Variants in SORCS2 observed in about 807,000 individuals in gnomAD.
SORCS2 encodes VPS10 domain-containing receptor SorCS2.
Under a neutral mutation model 141.6 loss-of-function variants are expected in SORCS2, and 100 were observed. The ratio of observed to expected loss-of-function variants is 0.71; its 90% confidence interval spans 0.60 to 0.83. SORCS2 has a LOEUF of 0.83. Ranked by LOEUF, SORCS2 falls within the 40% of genes least tolerant of loss-of-function variation. SORCS2 has a pLI of 0.00. For missense variants in SORCS2, 1,646 were observed against 1,560.2 expected (o/e 1.05, Z -0.93); for synonymous variants, 789 against 676.9 (o/e 1.17, Z -2.57).
chr4:7,702,178 G>C (rs1007271258), intron 12 of SORCS2, among the ~76,000 whole-genome samples: 1 of 152,110 alleles, frequency 6.6e-6, no homozygotes, highest in Non-Finnish European at 1.5e-5. Flanking sequence ...GCTGTCCTCT[G>C]TCCCCTCCTG....
At chr4:7,521,415 C>A (rs558917641) in intron 2 of SORCS2, among the ~76,000 whole-genome samples, 1 of 152,304 alleles carries the variant, frequency 6.6e-6, no homozygotes, top group South Asian at 2.1e-4. Context: ...CCCCCTTTCA[C>A]ACTCAGAATC....
chr4:7,555,429 C>T (rs558268206), intron 3 of SORCS2, among the ~76,000 whole-genome samples: 1 of 152,354 alleles, frequency 6.6e-6, no homozygotes, highest in Admixed American at 6.5e-5. Flanking sequence ...AAATGCCCTC[C>T]ACCAGCCCTT....
At chr4:7,535,852 A>G (rs1048469350) in intron 3 of SORCS2, among the ~76,000 whole-genome samples, 4 of 152,184 alleles carry the variant, frequency 2.6e-5, no homozygotes. Context: ...ATCTGCACCC[A>G]CCTGGTTCCC....
In SORCS2 at chr4:7,609,601, G is replaced by A. The variant is rs148159228; in HGVS notation, c.649-28727G>A. Among the ~76,000 whole-genome samples, 50 of 152,360 alleles carry A rather than the reference G, an allele frequency of 3.3e-4. No individual in the cohort carries two copies. In the East Asian group the frequency reaches 5.2e-3, roughly 16 times the overall value. On this transcript the variant is annotated intron_variant, in intron 3 of 26. Transcript: ENST00000507866. ...GAGCCTTGCAGAAGGCAGGGAACAC[G>A]TCCTGCTCTGTGTCCTTGGCCTAGG...
chr4:7,642,698 C>G (rs183690050), intron 4 of SORCS2, among the ~76,000 whole-genome samples: 21 of 152,294 alleles, frequency 1.4e-4, no homozygotes, highest in Admixed American at 1.0e-3. Flanking sequence ...CTTACAGAAA[C>G]AAGCATTATT....
chr4:7,397,511 G>A (rs182346859), intron 2 of SORCS2, among the ~76,000 whole-genome samples: 99 of 152,130 alleles, frequency 6.5e-4, no homozygotes, highest in African/African-American at 1.8e-3. Context: ...TAATTCCGTC[G>A]TCACCACCAG....
chr4:7,373,619 A>C lies in SORCS2; in HGVS notation c.481-22669A>C, dbSNP rs575830699. The stretch of plus-strand genomic sequence containing the variant: ...GTGATTCTCCTGCCTCAGCCTCCCA[A>C]GTAGCTGGGATTACAGGCCACACTA... On this transcript the variant is annotated intron_variant, in intron 1 of 26. Transcript: ENST00000507866. Among the ~76,000 whole-genome samples, 5 of 149,126 alleles carry C rather than the reference A, an allele frequency of 3.4e-5. No individual in the cohort carries two copies. In the South Asian group the frequency reaches 1.1e-3, roughly 32 times the overall value.
chr4:7,650,401 C>T (rs1040318372), intron 4 of SORCS2, among the ~76,000 whole-genome samples: 6 of 152,180 alleles, frequency 3.9e-5, no homozygotes, highest in Non-Finnish European at 7.3e-5. Flanking sequence ...CACTTTGCAG[C>T]GTGCCTGGAT....
In SORCS2 at chr4:7,384,463, G is replaced by A. The variant is rs539653187; in HGVS notation, c.481-11825G>A. Among the ~76,000 whole-genome samples, 5 of 152,198 alleles carry A rather than the reference G, an allele frequency of 3.3e-5. No individual in the cohort carries two copies. The East Asian group carries it at 5.8e-4, about 18-fold the overall frequency. ...CCTCCACTGCAGGTCAGACCTCGGG[G>A]GACTGGGGCTGGCTGTGGGAAGGAG... On this transcript the variant is annotated intron_variant, in intron 1 of 26. Transcript: ENST00000507866.
At chr4:7,329,026 A>G (rs941023421) in intron 1 of SORCS2, among the ~76,000 whole-genome samples, 2 of 152,278 alleles carry the variant, frequency 1.3e-5, no homozygotes, top group Non-Finnish European at 1.5e-5. Flanking sequence ...CGGAGCCCTC[A>G]TGCAGGAAGG....
intron 2 of SORCS2, among the ~76,000 whole-genome samples, chr4:7,531,246 G>A (rs950448087): frequency 2.0e-5 from 3 of 152,228 alleles, no homozygotes; most frequent in Non-Finnish European, 2.9e-5. Context: ...GCATGGGGGA[G>A]GAATGACTGG....
intron 1 of SORCS2, among the ~76,000 whole-genome samples, chr4:7,280,435 G>T (rs1462242138): frequency 6.6e-6 from 1 of 152,168 alleles, no homozygotes; most frequent in Non-Finnish European, 1.5e-5. Context: ...GAAAGAGTGT[G>T]TTCCTTCTTA....
chr4:7,587,651 A>G (rs998296022), intron 3 of SORCS2, among the ~76,000 whole-genome samples: 2 of 152,176 alleles, frequency 1.3e-5, no homozygotes, highest in African/African-American at 4.8e-5. Context: ...TGGCACCCAC[A>G]GCAGCGTCTT....
chr4:7,456,775 G>T lies in SORCS2; in HGVS notation c.548+60420G>T, dbSNP rs531209343. 1.7e-3 allele frequency among the ~76,000 whole-genome samples: 252 copies of T among 152,270 alleles called. 3 individuals are homozygous for T. Among genetic ancestry groups the T allele is most frequent in the African/African-American group, 5.6e-3 (232 of 41,552 alleles). On this transcript the variant is annotated intron_variant, in intron 2 of 26. Coordinates refer to ENST00000507866, the MANE Select transcript of SORCS2 (RefSeq NM_020777.3). Reference sequence around the variant, plus strand: ...CTGCTGCTTGTCCCCCTGTGGCAGGGGTAGGGGGGTGGAGGGTCATCTCTC... The same window carrying T: ...CTGCTGCTTGTCCCCCTGTGGCAGGTGTAGGGGGGTGGAGGGTCATCTCTC...
chr4:7,737,272 GGGCCAGCAAAA>G, intron 26 of SORCS2, 100 bp downstream of exon 26: 2 of 1,501,958 alleles, frequency 1.3e-6, no homozygotes, highest in Non-Finnish European at 1.8e-6. Flanking sequence ...TGGGCCGCTG[GGGCCAGCAAAA>G]CGCTGGCCCA....
intron 1 of SORCS2, chr4:7,382,029 C>T (rs901095822): frequency 6.2e-5 from 60 of 971,224 alleles, no homozygotes; most frequent in Middle Eastern, 5.2e-4. Context: ...GGAAGGGAGT[C>T]GGGTCAAAGA....
chr4:7,287,437 G>GCGT, intron 1 of SORCS2, among the ~76,000 whole-genome samples: 1 of 152,352 alleles, frequency 6.6e-6, no homozygotes. Flanking sequence ...TGGGAGCTGG[G>GCGT]CGTGGGGGCA....
intron 2 of SORCS2, among the ~76,000 whole-genome samples, chr4:7,415,130 C>A (rs910554499): frequency 6.6e-6 from 1 of 152,178 alleles, no homozygotes; most frequent in African/African-American, 2.4e-5. Context: ...GGTTTTGGGG[C>A]ACGCCTTGGT....
At chr4:7,283,325 G>C (rs1716008873) in intron 1 of SORCS2, among the ~76,000 whole-genome samples, 1 of 152,246 alleles carries the variant, frequency 6.6e-6, no homozygotes, top group Admixed American at 6.5e-5. Flanking sequence ...GAGGAGACGT[G>C]AATGTAGGCA....
Sources: allele counts gnomAD v4.1 joint callset (sites outside exome capture counted in the v4.1 genomes callset), GRCh38; gene constraint gnomAD v4.1.1; transcripts MANE v1.5; gene names NCBI Gene and HGNC (gene_info 2026-07-23, HGNC 2026-07-21).